Variants in PLCB2 observed in about 807,000 individuals in gnomAD.
PLCB2 encodes 1-phosphatidylinositol 4,5-bisphosphate phosphodiesterase beta-2.
In PLCB2, 115 loss-of-function variants were observed where a neutral mutation model predicts 141.7. That is an observed-to-expected ratio of 0.81 (90% CI 0.70 to 0.95). The LOEUF (loss-of-function observed/expected upper bound fraction) is 0.95, where lower values mean the gene tolerates loss of function less well. PLCB2 is among the 40% of genes least tolerant of loss of function. PLCB2 has a pLI of 0.00. For missense variants in PLCB2, 1,403 were observed against 1,541.1 expected (o/e 0.91, Z 1.50); for synonymous variants, 603 against 595.6 (o/e 1.01, Z -0.18).
At chr15:40,291,708 G>T (rs949805074) in intron 24 of PLCB2, 58 bp from the exon 25 acceptor site, 11 of 1,606,060 alleles carry the variant, frequency 6.8e-6, no homozygotes, top group Non-Finnish European at 7.6e-6. Flanking sequence ...GGCTCCGTTC[G>T]CCTCCTCCAC....
At chr15:40,284,637 C>T, downstream of PLCB2, 2 of 446,514 alleles carry the variant, frequency 4.5e-6, no homozygotes, top group Admixed American at 2.4e-5. Context: ...ATCAAGGGAT[C>T]GAGACCATCC....
intron 7 of PLCB2, chr15:40,301,345 C>A (rs369124772): frequency 3.5e-6 from 2 of 578,164 alleles, no homozygotes; most frequent in South Asian, 2.1e-5. Flanking sequence ...AGGCTTGAAG[C>A]CTAGCTCAGG....
chr15:40,306,286 T>G (rs2040790385), intron 1 of PLCB2, among the ~76,000 whole-genome samples: 1 of 152,150 alleles, frequency 6.6e-6, no homozygotes, highest in African/African-American at 2.4e-5. Context: ...TGGGACATTC[T>G]TGCTTGTGCA....
Position 40,292,460 on chromosome 15 carries a change from G to A in PLCB2, c.2327-17C>T, listed in dbSNP as rs760033089. On this transcript the variant is annotated splice_polypyrimidine_tract_variant and intron_variant, in intron 21 of 31. Transcript: ENST00000260402. ...GGTGGTACCCTGTGAGACAGGACAGGGTAGGCAGTGAGCCAGAGCCCGTTC... is the reference window on the plus strand; with the variant it reads ...GGTGGTACCCTGTGAGACAGGACAGAGTAGGCAGTGAGCCAGAGCCCGTTC... 6.3e-7 allele frequency: 1 copy of A among 1,583,072 alleles called. No individual in the cohort carries two copies. Among genetic ancestry groups the A allele is most frequent in the Non-Finnish European group, 8.7e-7 (1 of 1,153,910 alleles).
At position 40,297,876 on chromosome 15, in the gene PLCB2, C is replaced by G. The variant is rs371919575; in HGVS notation, c.1238+1G>C. ...GTGGCTGAATGGGCCTGGATACGCACGAGTCCACATGGTTCTCAAACGACA... is the reference window on the plus strand; with the variant it reads ...GTGGCTGAATGGGCCTGGATACGCAGGAGTCCACATGGTTCTCAAACGACA... On this transcript the variant is annotated splice_donor_variant, in intron 12 of 31. Coordinates refer to ENST00000260402, the MANE Select transcript of PLCB2 (RefSeq NM_004573.3). LOFTEE classifies it high-confidence loss of function. This position sits in a 1 kb window ranked among gnomAD's most constrained non-coding sequence, Gnocchi z 4.2. 6.2e-7 allele frequency: 1 copy of G among 1,611,558 alleles called. No individual in the cohort carries two copies. Among genetic ancestry groups the G allele is most frequent in the African/African-American group, 1.3e-5 (1 of 74,808 alleles).
At chr15:40,305,945 G>A (rs1286849337) in intron 1 of PLCB2, among the ~76,000 whole-genome samples, 1 of 152,184 alleles carries the variant, frequency 6.6e-6, no homozygotes, top group Non-Finnish European at 1.5e-5. Flanking sequence ...AGATGTCAGT[G>A]TAAATAAAGG....
At chr15:40,300,774 C>A (rs1385718774) in intron 7 of PLCB2, 2 of 132,882 alleles carry the variant, frequency 1.5e-5, no homozygotes, top group African/African-American at 3.5e-5. Flanking sequence ...TGCATTCCTT[C>A]CCCCCCCAAA....
In PLCB2 at chr15:40,290,042, C is replaced by T; in HGVS notation, c.3250G>A (p.Val1084Met). Residue 1084 changes from valine (V) to methionine (M), a missense_variant, in exon 30 of 32, where the codon GTG becomes ATG. This residue lies in a region of PLCB2 where 132 missense variants were observed against 132.4 expected (regional missense o/e 1.00). Coordinates refer to ENST00000260402, the MANE Select transcript of PLCB2 (RefSeq NM_004573.3). The part of the protein sequence containing the change: ...EINNSHIQEV[V>M]QVIKQMTENL... ...TTACACACCTGCTTGATCACCTGCACTACTTCCTGGATGTGGGAGTTGTTA... is the reference window on the plus strand; with the variant it reads ...TTACACACCTGCTTGATCACCTGCATTACTTCCTGGATGTGGGAGTTGTTA... 6.2e-7 allele frequency: 1 copy of T among 1,608,450 alleles called. No homozygotes were observed. The highest frequency in any genetic ancestry group is 1.1e-5 in the South Asian group (1 of 90,932).
At chr15:40,287,219 C>T (rs1360504960), downstream of PLCB2, among the ~76,000 whole-genome samples, 2 of 152,128 alleles carry the variant, frequency 1.3e-5, no homozygotes, top group East Asian at 3.8e-4. Flanking sequence ...AAATGATCAG[C>T]CCCCTCACCT....
chr15:40,305,290 C>A (rs1026216380), intron 1 of PLCB2, among the ~76,000 whole-genome samples: 1 of 150,864 alleles, frequency 6.6e-6, no homozygotes, highest in Non-Finnish European at 1.5e-5. Flanking sequence ...AACCTGTCAT[C>A]TAGGTTTTAA....
intron 7 of PLCB2, among the ~76,000 whole-genome samples, chr15:40,299,968 A>C (rs2040426162): frequency 6.6e-6 from 1 of 152,228 alleles, no homozygotes; most frequent in African/African-American, 2.4e-5. Flanking sequence ...CATGCAAATC[A>C]AAACCACAAT....
intron 3 of PLCB2, 100 bp downstream of exon 3, chr15:40,303,188 G>T: frequency 1.2e-6 from 1 of 864,966 alleles, no homozygotes; most frequent in Non-Finnish European, 2.0e-6. Flanking sequence ...CATTCCCCGT[G>T]CTTCAGAAGT....
At chr15:40,294,031 C>T (rs1223790529) in intron 19 of PLCB2, among the ~76,000 whole-genome samples, 1 of 152,200 alleles carries the variant, frequency 6.6e-6, no homozygotes, top group Non-Finnish European at 1.5e-5. Flanking sequence ...ACTCTTCCTC[C>T]CCTCCCCCAC....
chr15:40,293,266 C>G (rs2040030392), intron 20 of PLCB2, among the ~76,000 whole-genome samples: 1 of 152,206 alleles, frequency 6.6e-6, no homozygotes, highest in Non-Finnish European at 1.5e-5. Flanking sequence ...GGGGGCCTGG[C>G]ACAGATAGCC....
chr15:40,284,289 G>A, downstream of PLCB2: 1 of 338,776 alleles, frequency 3.0e-6, no homozygotes, highest in Admixed American at 4.1e-5. Flanking sequence ...GACTTTTCAT[G>A]AGCCGCACAT....
chr15:40,302,604 C>G lies in PLCB2; in HGVS notation c.237G>C (p.Gln79His). The change falls in exon 4 of 32, where the codon CAG becomes CAC. Residue 79 changes from glutamine (Q) to histidine (H), a missense_variant. This residue lies in a region of PLCB2 where 975 missense variants were observed against 1,141.1 expected (regional missense o/e 0.85). Coordinates refer to ENST00000260402, the MANE Select transcript of PLCB2 (RefSeq NM_004573.3). Reference protein sequence around the residue: ...FGKFAKMPKSQKLRDVFNMDF... With the variant: ...FGKFAKMPKSHKLRDVFNMDF... ...CCATGTTGAAGACGTCCCGGAGCTT[C>G]TGGCTCTGCAGCACGTGGTGGTATG... 6.2e-7 allele frequency: 1 copy of G among 1,614,182 alleles called. No homozygotes were observed. Among genetic ancestry groups the G allele is most frequent in the Non-Finnish European group, 8.5e-7 (1 of 1,180,016 alleles).
At chr15:40,292,482 G>T (rs371751364) in intron 21 of PLCB2, 39 bp from the exon 22 acceptor site, 26 of 1,430,972 alleles carry the variant, frequency 1.8e-5, no homozygotes, top group African/African-American at 5.6e-5. Flanking sequence ...GCCAGAGCCC[G>T]TTCCTGCCAG....
Position 40,302,024 on chromosome 15 carries a change from TG to T in PLCB2, c.514del (p.Gln172ArgfsTer42). The T allele has an allele frequency of 6.2e-7, 1 of 1,613,996 alleles. No homozygotes were observed. The highest frequency in any genetic ancestry group is 1.3e-5 in the African/African-American group (1 of 74,966). ...EGKIPVKNFFQMFPADRKRVE... is the reference protein window; with the variant it reads ...EGKIPVKNFFXMFPADRKRVE... ...CCGCTTGCGGTCAGCAGGAAACATC[TG>T]GAAAAAGCTGAAGGGGCAGAGAAAG... On this transcript the variant is annotated frameshift_variant, in exon 7 of 32. Transcript: ENST00000260402. LOFTEE classifies it high-confidence loss of function.
Position 40,288,035 on chromosome 15 carries a change from C to T in PLCB2, c.*680G>A. 4 of 985,500 alleles carry T rather than the reference C, an allele frequency of 4.1e-6. No homozygotes were observed. Among genetic ancestry groups the T allele is most frequent in the Non-Finnish European group, 4.8e-6 (4 of 829,962 alleles). 61.0% of individuals were successfully genotyped at this position (985,500 alleles called of 1,614,324 possible). A position where few individuals can be genotyped will look rare whatever the true frequency, so the allele number is the denominator to read the frequency against. ...TGAGAGGGGTACATGGTAGGAACTG[C>T]CTGCCCCCAGGCCTAGGAAGAGGGG... On this transcript the variant is annotated 3_prime_UTR_variant, in exon 32 of 32. Coordinates refer to ENST00000260402, the MANE Select transcript of PLCB2 (RefSeq NM_004573.3).
Sources: allele counts gnomAD v4.1 joint callset (sites outside exome capture counted in the v4.1 genomes callset), GRCh38; gene constraint gnomAD v4.1.1; regional missense constraint gnomAD v4.1.1; non-coding constraint Gnocchi (gnomAD v3.1); transcripts MANE v1.5; gene names NCBI Gene and HGNC (gene_info 2026-07-23, HGNC 2026-07-21).